Variants in CDKAL1 observed in about 807,000 individuals in gnomAD.
The protein encoded by CDKAL1 is threonylcarbamoyladenosine tRNA methylthiotransferase.
In CDKAL1, 32 loss-of-function variants were observed where a neutral mutation model predicts 68.2. The observed-to-expected ratio is 0.47, with a 90% CI of 0.35 to 0.63. CDKAL1 has a LOEUF of 0.63. Ranked by LOEUF, CDKAL1 falls within the 30% of genes least tolerant of loss-of-function variation. The pLI, the probability that CDKAL1 is intolerant of heterozygous loss-of-function variation, is 0.00. For missense variants in CDKAL1, 606 were observed against 696.7 expected (o/e 0.87, Z 1.47); for synonymous variants, 234 against 244.3 (o/e 0.96, Z 0.39).
chr6:20,826,456 G>T (rs1366139180), intron 8 of CDKAL1, among the ~76,000 whole-genome samples: 1 of 152,128 alleles, frequency 6.6e-6, no homozygotes, highest in Admixed American at 6.6e-5. Flanking sequence ...TTCAGAGAAG[G>T]TCAAGTTTAG....
chr6:20,890,796 G>A (rs1761352843), intron 9 of CDKAL1, among the ~76,000 whole-genome samples: 1 of 152,066 alleles, frequency 6.6e-6, no homozygotes, highest in Non-Finnish European at 1.5e-5. Flanking sequence ...TATAAGTAAA[G>A]GCATCAGACA....
chr6:20,744,477 C>T (rs752185727), intron 6 of CDKAL1, among the ~76,000 whole-genome samples: 3 of 152,096 alleles, frequency 2.0e-5, no homozygotes, highest in Non-Finnish European at 4.4e-5. Context: ...GTCCCAGATC[C>T]CTGTCCTCAC....
intron 4 of CDKAL1, among the ~76,000 whole-genome samples, chr6:20,638,054 T>C (rs1054009169): frequency 2.0e-5 from 3 of 152,232 alleles, no homozygotes; most frequent in Admixed American, 6.5e-5. Flanking sequence ...GTAGGCTAAC[T>C]TCTTAAAAGG....
At chr6:20,584,953 C>T (rs188546122) in intron 4 of CDKAL1, among the ~76,000 whole-genome samples, 1 of 152,314 alleles carries the variant, frequency 6.6e-6, no homozygotes, top group Admixed American at 6.5e-5. Flanking sequence ...GGTCATTGCT[C>T]CTGCAGTTTT....
At chr6:21,176,915 T>A (rs1582362110) in intron 13 of CDKAL1, among the ~76,000 whole-genome samples, 1 of 152,040 alleles carries the variant, frequency 6.6e-6, no homozygotes, top group Non-Finnish European at 1.5e-5. Context: ...GCCAGGCTGG[T>A]GTTGAATTCA....
At chr6:20,835,030 A>G (rs1371260873) in intron 8 of CDKAL1, among the ~76,000 whole-genome samples, 1 of 152,234 alleles carries the variant, frequency 6.6e-6, no homozygotes, top group Non-Finnish European at 1.5e-5. Context: ...TACGTACTCT[A>G]TGATTCCATT....
rs145894251 is a variant in CDKAL1 at position 21,191,992 on chromosome 6, C to CT, written c.1300-5989dup. On this transcript the variant is annotated intron_variant, in intron 13 of 15. Coordinates refer to ENST00000274695, the MANE Select transcript of CDKAL1 (RefSeq NM_017774.3). ...AGGAATATTTTTATAATTCATTTTT[C>CT]TTTTTTTTTTTTTTTTTTTTTTTTT... 8.3e-3 allele frequency among the ~76,000 whole-genome samples: 286 copies of CT among 34,516 alleles called. 106 individuals carry two copies. The highest frequency in any genetic ancestry group is 0.026 in the East Asian group (25 of 958). 22.6% of individuals were successfully genotyped at this position (34,516 alleles called of 152,430 possible).
chr6:20,544,499 G>A (rs532777856), intron 2 of CDKAL1, among the ~76,000 whole-genome samples: 27 of 149,954 alleles, frequency 1.8e-4, no homozygotes, highest in Non-Finnish European at 3.4e-4. Context: ...GGGAGGCTGA[G>A]GCAGGAGAAT....
At chr6:21,032,829 C>T (rs1009445066) in intron 11 of CDKAL1, among the ~76,000 whole-genome samples, 1 of 152,168 alleles carries the variant, frequency 6.6e-6, no homozygotes, top group Non-Finnish European at 1.5e-5. Context: ...CACCTAATGA[C>T]ACCTGTCTCA....
At chr6:20,934,451 G>T (rs1000128261) in intron 9 of CDKAL1, among the ~76,000 whole-genome samples, 1 of 152,072 alleles carries the variant, frequency 6.6e-6, no homozygotes, top group African/African-American at 2.4e-5. Context: ...ATCATTTTCT[G>T]CAGATTATCA....
At chr6:20,671,005 T>A (rs1002580028) in intron 5 of CDKAL1, among the ~76,000 whole-genome samples, 1 of 152,158 alleles carries the variant, frequency 6.6e-6, no homozygotes, top group African/African-American at 2.4e-5. Context: ...GCTTATTGAT[T>A]TTTATATTAT....
At chr6:20,803,693 G>A (rs1192772418) in intron 8 of CDKAL1, among the ~76,000 whole-genome samples, 1 of 152,128 alleles carries the variant, frequency 6.6e-6, no homozygotes, top group East Asian at 1.9e-4. Context: ...TGTTGCCAGT[G>A]GGAAGAGTAG....
intron 4 of CDKAL1, among the ~76,000 whole-genome samples, chr6:20,550,387 A>T (rs1323703798): frequency 6.6e-6 from 1 of 152,146 alleles, no homozygotes; most frequent in Non-Finnish European, 1.5e-5. Flanking sequence ...AATCTTGGCC[A>T]TTAGGATCTT....
intron 13 of CDKAL1, among the ~76,000 whole-genome samples, chr6:21,185,725 G>A (rs901194589): frequency 1.3e-5 from 2 of 152,096 alleles, no homozygotes; most frequent in Non-Finnish European, 2.9e-5. Context: ...CATTAAGTCT[G>A]AGACAGTGAA....
At chr6:20,576,699 C>G (rs1764929980) in intron 4 of CDKAL1, among the ~76,000 whole-genome samples, 1 of 152,120 alleles carries the variant, frequency 6.6e-6, no homozygotes, top group African/African-American at 2.4e-5. Context: ...TATGCTAGTC[C>G]TTATCATAGA....
At chr6:21,219,407 T>C (rs1195838904) in intron 15 of CDKAL1, among the ~76,000 whole-genome samples, 5 of 152,214 alleles carry the variant, frequency 3.3e-5, no homozygotes, top group Non-Finnish European at 7.3e-5. Flanking sequence ...TTTTGTGGAA[T>C]TTTTCCCCCC....
At chr6:21,109,018 A>G (rs1231275196) in intron 13 of CDKAL1, among the ~76,000 whole-genome samples, 1 of 152,204 alleles carries the variant, frequency 6.6e-6, no homozygotes, top group East Asian at 1.9e-4. Flanking sequence ...TGTGTCATTT[A>G]TACCCTACCT....
At chr6:21,119,469 A>G (rs1054760858) in intron 13 of CDKAL1, among the ~76,000 whole-genome samples, 30 of 152,296 alleles carry the variant, frequency 2.0e-4, no homozygotes, top group African/African-American at 6.3e-4. Context: ...TGTTTCCTCA[A>G]CACCCAAAGC....
chr6:21,101,358 G>T (rs143304126), intron 12 of CDKAL1, among the ~76,000 whole-genome samples: 1 of 152,208 alleles, frequency 6.6e-6, no homozygotes, highest in East Asian at 1.9e-4. Flanking sequence ...GAGTCACTGG[G>T]GATTAGGATT....
Sources: allele counts gnomAD v4.1 joint callset (sites outside exome capture counted in the v4.1 genomes callset), GRCh38; gene constraint gnomAD v4.1.1; transcripts MANE v1.5; gene names NCBI Gene and HGNC (gene_info 2026-07-23, HGNC 2026-07-21).